Variants in NRG3 observed in about 807,000 individuals in gnomAD.
NRG3 encodes the protein neuregulin 3.
NRG3 carries 31 observed loss-of-function variants against 66.9 expected under a neutral mutation model. That is an observed-to-expected ratio of 0.46 (90% CI 0.35 to 0.63). NRG3 has a LOEUF of 0.63. Among genes scored for constraint, NRG3 ranks in the 20% least tolerant of loss-of-function variants. NRG3 has a pLI of 0.00. For missense variants in NRG3, 910 were observed against 878.9 expected, an observed-to-expected ratio of 1.04 and a Z score of -0.45; for synonymous variants, 393 against 359.4, an observed-to-expected ratio of 1.09 and a Z score of -1.06.
At chr10:82,647,156 C>T (rs1426486574) in intron 2 of NRG3, among the ~76,000 whole-genome samples, 2 of 151,908 alleles carry the variant, frequency 1.3e-5, no homozygotes, top group Non-Finnish European at 2.9e-5. Flanking sequence ...CCTCCCCACT[C>T]CCCCGACCCC....
At chr10:82,765,214 T>C (rs1220250671) in intron 3 of NRG3, among the ~76,000 whole-genome samples, 3 of 152,120 alleles carry the variant, frequency 2.0e-5, no homozygotes, top group Non-Finnish European at 2.9e-5. Context: ...ATGCATTATT[T>C]AATATTGGGC....
intron 2 of NRG3, among the ~76,000 whole-genome samples, chr10:82,574,237 C>A (rs1326453443): frequency 6.6e-6 from 1 of 151,600 alleles, no homozygotes; most frequent in South Asian, 2.1e-4. Flanking sequence ...TTTGCAGCAA[C>A]GTGGGTGAAA....
intron 1 of NRG3, among the ~76,000 whole-genome samples, chr10:81,912,819 G>T (rs959144470): frequency 2.6e-5 from 4 of 152,176 alleles, no homozygotes; most frequent in Non-Finnish European, 4.4e-5. Flanking sequence ...AAGCACACAG[G>T]AAACTGGAGA....
chr10:82,906,577 A>G (rs1378923220), intron 4 of NRG3, among the ~76,000 whole-genome samples: 5 of 152,202 alleles, frequency 3.3e-5, no homozygotes, highest in South Asian at 2.1e-4. Flanking sequence ...GCCTATTTCT[A>G]TATTGCCAGA....
chr10:82,453,605 A>G (rs2091124832), intron 2 of NRG3, among the ~76,000 whole-genome samples: 1 of 152,096 alleles, frequency 6.6e-6, no homozygotes, highest in South Asian at 2.1e-4. Context: ...GCAAGGTATC[A>G]ATGGCACCTG....
chr10:82,588,429 T>C (rs1387264202), intron 2 of NRG3, among the ~76,000 whole-genome samples: 1 of 152,126 alleles, frequency 6.6e-6, no homozygotes, highest in East Asian at 1.9e-4. Flanking sequence ...GATTAGAAGC[T>C]TCCTGAGGCT....
At chr10:82,255,958 CTGTCACCCAGGCTGGA>C (rs1392205930) in intron 1 of NRG3, among the ~76,000 whole-genome samples, 1 of 152,000 alleles carries the variant, frequency 6.6e-6, no homozygotes, top group Non-Finnish European at 1.5e-5. Flanking sequence ...GAGTCTCGCT[CTGTCACCCAGGCTGGA>C]GTTCAGTGGT....
intron 4 of NRG3, among the ~76,000 whole-genome samples, chr10:82,888,927 T>A (rs577363531): frequency 1.3e-5 from 2 of 152,056 alleles, no homozygotes; most frequent in East Asian, 3.9e-4. Flanking sequence ...ATAGGAAAGT[T>A]GAAATTCAAG....
chr10:82,490,963 T>A (rs1027859596), intron 2 of NRG3, among the ~76,000 whole-genome samples: 2 of 152,068 alleles, frequency 1.3e-5, no homozygotes, highest in African/African-American at 4.8e-5. Flanking sequence ...GACCAAAATG[T>A]GTCCCGTTAT....
chr10:82,397,639 A>G (rs75261090), intron 2 of NRG3, among the ~76,000 whole-genome samples: 1 of 152,198 alleles, frequency 6.6e-6, no homozygotes, highest in African/African-American at 2.4e-5. Flanking sequence ...AATGCCTGTC[A>G]AAAATGAATT....
chr10:82,002,940 A>T (rs1254338399), intron 1 of NRG3, among the ~76,000 whole-genome samples: 1 of 152,206 alleles, frequency 6.6e-6, no homozygotes. Flanking sequence ...GTTATTATCT[A>T]ACTCACATTT....
chr10:82,496,601 T>C (rs1415112944), intron 2 of NRG3, among the ~76,000 whole-genome samples: 1 of 152,182 alleles, frequency 6.6e-6, no homozygotes, highest in African/African-American at 2.4e-5. Flanking sequence ...TTTTATCCTG[T>C]TTTATTCTCT....
intron 1 of NRG3, among the ~76,000 whole-genome samples, chr10:82,133,212 CTT>C (rs1319430215): frequency 1.3e-5 from 2 of 151,974 alleles, no homozygotes; most frequent in Non-Finnish European, 2.9e-5. Context: ...AAACTTTTCT[CTT>C]AGCACTGCTT....
intron 1 of NRG3, among the ~76,000 whole-genome samples, chr10:82,029,571 G>A (rs1421686802): frequency 6.6e-6 from 1 of 151,840 alleles, no homozygotes; most frequent in African/African-American, 2.4e-5. Flanking sequence ...CAGCTTGAAC[G>A]ATTTCATTAT....
intron 2 of NRG3, among the ~76,000 whole-genome samples, chr10:82,495,182 G>A (rs151167309): frequency 7.1e-4 from 108 of 152,092 alleles, no homozygotes; most frequent in Non-Finnish European, 1.2e-3. Context: ...TGATCTGCCC[G>A]TCTCGGCCTC....
intron 1 of NRG3, among the ~76,000 whole-genome samples, chr10:82,132,542 T>TATATCATATATATATATCATATATATATG (rs1388724448): frequency 7.6e-5 from 10 of 130,936 alleles, no homozygotes; most frequent in South Asian, 2.2e-4. Flanking sequence ...ATATGATATA[T>TATATCATATATATATATCATATATATATG]ATATATCTTT....
At chr10:82,237,067 C>T (rs906610649) in intron 1 of NRG3, among the ~76,000 whole-genome samples, 1 of 152,150 alleles carries the variant, frequency 6.6e-6, no homozygotes, top group Non-Finnish European at 1.5e-5. Context: ...TTTTCAAAAA[C>T]TCCTAATGAT....
At chr10:82,389,909 G>A (rs1472819737) in intron 2 of NRG3, among the ~76,000 whole-genome samples, 4 of 152,152 alleles carry the variant, frequency 2.6e-5, no homozygotes, top group Non-Finnish European at 5.9e-5. Context: ...CAGAAATGCT[G>A]TGTGACAGGC....
chr10:82,588,223 G>A (rs1003084882), intron 2 of NRG3, among the ~76,000 whole-genome samples: 3 of 152,184 alleles, frequency 2.0e-5, no homozygotes, highest in African/African-American at 4.8e-5. Flanking sequence ...AATCCCCAGA[G>A]TTGGAGGTAG....
Sources: gnomAD v4.1 joint callset for allele counts (sites outside exome capture counted in the v4.1 genomes callset) on GRCh38, gnomAD v4.1.1 for gene constraint, MANE v1.5 for transcripts, NCBI Gene and HGNC (gene_info 2026-07-23, HGNC 2026-07-21) for gene names.